The following PHLPP1 variants were observed in gnomAD, a reference collection of about 807,000 sequenced individuals.
PHLPP1 encodes PH domain and leucine rich repeat protein phosphatase 1, also known as PH domain leucine-rich repeat-containing protein phosphatase 1.
PHLPP1 carries 42 observed loss-of-function variants against 117.2 expected under a neutral mutation model. The observed-to-expected ratio is 0.36, with a 90% confidence interval of 0.28 to 0.46. The LOEUF is 0.46. PHLPP1 is among the 20% of genes least tolerant of loss of function. The pLI, the probability that PHLPP1 is intolerant of heterozygous loss-of-function variation, is 1.00. For missense variants in PHLPP1, 2,084 were observed against 2,241.9 expected (o/e 0.93, Z 1.42); for synonymous variants, 1,042 against 970.7 (o/e 1.07, Z -1.37).
chr18:62,913,696 C>T (rs1245017398), intron 8 of PHLPP1, among the ~76,000 whole-genome samples: 2 of 146,468 alleles, frequency 1.4e-5, no homozygotes, highest in African/African-American at 5.0e-5. Flanking sequence ...ATGATCAATT[C>T]ATTTAATAGT....
chr18:62,790,329 A>C (rs368661491), intron 1 of PHLPP1, among the ~76,000 whole-genome samples: 14 of 152,234 alleles, frequency 9.2e-5, no homozygotes, highest in African/African-American at 2.9e-4. Flanking sequence ...AGGAGCCAGC[A>C]GTCTGGGACC....
intron 11 of PHLPP1, among the ~76,000 whole-genome samples, chr18:62,944,625 G>A (rs1443236651): frequency 6.6e-6 from 1 of 152,070 alleles, no homozygotes; most frequent in Admixed American, 6.6e-5. Flanking sequence ...CAGAGGAGTT[G>A]GGGGAGTGAG....
At chr18:62,725,892 G>A (rs145238360) in intron 1 of PHLPP1, among the ~76,000 whole-genome samples, 27 of 152,232 alleles carry the variant, frequency 1.8e-4, no homozygotes, top group Middle Eastern at 3.4e-3. Context: ...AAAAAAATGC[G>A]TAAGTACACA....
intron 3 of PHLPP1, among the ~76,000 whole-genome samples, chr18:62,840,831 A>C (rs1415876100): frequency 2.0e-5 from 3 of 152,348 alleles, no homozygotes; most frequent in East Asian, 3.9e-4. Context: ...ACCACAATAT[A>C]TCTCTCAAGT....
At chr18:62,833,086 T>A (rs1914798187) in intron 2 of PHLPP1, among the ~76,000 whole-genome samples, 1 of 152,224 alleles carries the variant, frequency 6.6e-6, no homozygotes, top group Non-Finnish European at 1.5e-5. Flanking sequence ...TATTATTATT[T>A]TTTTAAAAAG....
chr18:62,896,838 A>G (rs1916576562), intron 6 of PHLPP1, among the ~76,000 whole-genome samples: 2 of 152,154 alleles, frequency 1.3e-5, no homozygotes, highest in South Asian at 4.1e-4. Flanking sequence ...AGTCCCATAA[A>G]GAATTGCTTG....
chr18:62,891,358 C>T lies in PHLPP1; in HGVS notation c.2067-3653C>T, dbSNP rs181804784. On this transcript the variant is annotated intron_variant, in intron 4 of 16. Coordinates refer to ENST00000262719, the MANE Select transcript of PHLPP1 (RefSeq NM_194449.4). ...ATCCCAACAGTTTGGGAGGCCAAGG[C>T]GGGCGGATCACCTGAGGTCAGGAGT... Among the ~76,000 whole-genome samples, 38 of 152,302 alleles carry T rather than the reference C, an allele frequency of 2.5e-4. No homozygotes were observed. In the East Asian group the frequency reaches 5.8e-3, roughly 23 times the overall value.
At chr18:62,955,330 A>G (rs1910580852) in intron 12 of PHLPP1, among the ~76,000 whole-genome samples, 1 of 152,164 alleles carries the variant, frequency 6.6e-6, no homozygotes, top group Admixed American at 6.5e-5. Flanking sequence ...GTTGAAGGAC[A>G]CCTGGGAGCA....
chr18:62,734,229 C>T (rs537078275), intron 1 of PHLPP1, among the ~76,000 whole-genome samples: 20 of 152,044 alleles, frequency 1.3e-4, no homozygotes, highest in South Asian at 1.2e-3. Context: ...TGGTATCATA[C>T]GTACACCACA....
chr18:62,888,402 ATTTAT>A (rs1225909693), intron 4 of PHLPP1, among the ~76,000 whole-genome samples: 1 of 145,460 alleles, frequency 6.9e-6, no homozygotes, highest in Non-Finnish European at 1.5e-5. Context: ...GCATTTCATC[ATTTAT>A]CTGGCTTACC....
intron 13 of PHLPP1, among the ~76,000 whole-genome samples, chr18:62,959,647 A>G (rs1190307804): frequency 4.6e-5 from 7 of 152,296 alleles, no homozygotes; most frequent in Admixed American, 6.5e-5. Context: ...TGTTTATTCA[A>G]TGTTGGAATA....
rs1053536557 is a variant in PHLPP1, at chr18:62,716,853, C to T, written c.1170C>T (p.Val390=). The T allele has an allele frequency of 1.3e-6, 2 of 1,521,802 alleles. No individual in the cohort carries two copies. Among genetic ancestry groups the T allele is most frequent in the African/African-American group, 2.8e-5 (2 of 70,594 alleles). 94.3% of individuals were successfully genotyped at this position (1,521,802 alleles called of 1,614,324 possible). ...EADAASAPTG[V]PGQPRRPGHP... The stretch of plus-strand genomic sequence containing the variant: ...ACGCAGCCTCGGCCCCGACGGGGGT[C>T]CCGGGCCAGCCCCGCCGTCCCGGCC... The change falls in exon 1 of 17, where the codon GTC becomes GTT. Residue 390 remains valine, a synonymous_variant. Coordinates refer to ENST00000262719, the MANE Select transcript of PHLPP1 (RefSeq NM_194449.4). The surrounding 1 kb of genome is among the most constrained non-coding windows in gnomAD (Gnocchi z 5.7).
At chr18:62,869,298 G>C (rs1342996222) in intron 4 of PHLPP1, among the ~76,000 whole-genome samples, 3 of 152,124 alleles carry the variant, frequency 2.0e-5, no homozygotes, top group African/African-American at 7.2e-5. Context: ...TCCTCTGCTG[G>C]AATTGGGGAG....
At position 62,716,308 on chromosome 18, in the gene PHLPP1, C is replaced by G; in HGVS notation, c.625C>G (p.Arg209Gly). The change falls in exon 1 of 17, where the codon CGC (arginine) becomes GGC (glycine). Residue 209 changes from arginine (R) to glycine (G), a missense_variant. This residue lies in a region of PHLPP1 where 719 missense variants were observed against 636.0 expected (regional missense o/e 1.13). Transcript: ENST00000262719. This position sits in a 1 kb window ranked among gnomAD's most constrained non-coding sequence, Gnocchi z 5.7. ...GCGCGGCTGCGTGCACGTCTTCGAC[C>G]GCCACATGGCCTCGACCTACCTGCG... ...LQRGCVHVFDRHMASTYLRPV... is the reference protein window; with the variant it reads ...LQRGCVHVFDGHMASTYLRPV... 1 of 1,531,308 alleles carries G rather than the reference C, an allele frequency of 6.5e-7. No individual in the cohort carries two copies. Among genetic ancestry groups the G allele is most frequent in the African/African-American group, 1.4e-5 (1 of 72,314 alleles). The allele number at this position is 1,531,308 out of a possible 1,614,324, so 94.9% of individuals were successfully genotyped here. A position where few individuals can be genotyped will look rare whatever the true frequency, so the allele number is the denominator to read the frequency against.
intron 4 of PHLPP1, among the ~76,000 whole-genome samples, chr18:62,861,210 A>G (rs1332793945): frequency 6.6e-6 from 1 of 152,062 alleles, no homozygotes; most frequent in Non-Finnish European, 1.5e-5. Flanking sequence ...CCTGGGCCCA[A>G]GTGATTCACC....
intron 4 of PHLPP1, among the ~76,000 whole-genome samples, chr18:62,890,557 C>T (rs1181595185): frequency 2.0e-5 from 3 of 152,194 alleles, no homozygotes; most frequent in Non-Finnish European, 4.4e-5. Context: ...TGAGCCACTC[C>T]GCCAAGCCTT....
At chr18:62,897,562 A>C (rs1916594306) in intron 6 of PHLPP1, among the ~76,000 whole-genome samples, 1 of 152,108 alleles carries the variant, frequency 6.6e-6, no homozygotes, top group Non-Finnish European at 1.5e-5. Context: ...GCTGGAGTGC[A>C]GTGGCATGAT....
intron 4 of PHLPP1, among the ~76,000 whole-genome samples, chr18:62,893,038 G>C (rs1401523861): frequency 6.6e-6 from 1 of 151,668 alleles, no homozygotes; most frequent in African/African-American, 2.4e-5. Context: ...TCAGAATAGT[G>C]GATAGGCTTT....
chr18:62,840,250 G>A (rs1255859927), intron 3 of PHLPP1, among the ~76,000 whole-genome samples: 1 of 152,130 alleles, frequency 6.6e-6, no homozygotes, highest in Non-Finnish European at 1.5e-5. Flanking sequence ...TAGGAGAGTT[G>A]GTTTCTCTTC....
Sources: gnomAD v4.1 joint callset for allele counts (sites outside exome capture counted in the v4.1 genomes callset) on GRCh38, gnomAD v4.1.1 for gene constraint, gnomAD v4.1.1 regional missense constraint, Gnocchi (gnomAD v3.1) non-coding constraint, MANE v1.5 for transcripts, NCBI Gene and HGNC (gene_info 2026-07-23, HGNC 2026-07-21) for gene names.